Variants in RABEP1 observed in about 807,000 individuals in gnomAD.
The protein encoded by RABEP1 is rab GTPase-binding effector protein 1.
In RABEP1, 51 loss-of-function variants were observed where a neutral mutation model predicts 123.4. That is an observed-to-expected ratio of 0.41 (90% CI 0.33 to 0.52). The LOEUF is 0.52. Ranked by LOEUF, RABEP1 falls within the 20% of genes least tolerant of loss-of-function variation. The pLI, the probability that RABEP1 is intolerant of heterozygous loss-of-function variation, is 0.16. For missense variants in RABEP1, 888 were observed against 996.3 expected (o/e 0.89, Z 1.46); for synonymous variants, 347 against 355.2 (o/e 0.98, Z 0.26).
intron 10 of RABEP1, 97 bp from the exon 11 acceptor site, chr17:5,365,025 A>C (rs1160470651): frequency 1.5e-5 from 11 of 741,894 alleles, no homozygotes; most frequent in Non-Finnish European, 2.2e-5. Context: ...AGAAAAAGAC[A>C]TAAGAGATTT....
chr17:5,350,717 G>A, intron 7 of RABEP1, 88 bp downstream of exon 7: 3 of 1,382,932 alleles, frequency 2.2e-6, no homozygotes, highest in Non-Finnish European at 3.0e-6. Flanking sequence ...ATTAGAGACT[G>A]ACTTAAGCTG....
intron 1 of RABEP1, among the ~76,000 whole-genome samples, chr17:5,302,902 A>AT (rs200600919): frequency 0.035 from 5,276 of 152,058 alleles, 294 homozygotes; most frequent in African/African-American, 0.12. Context: ...TTAAAAAATG[A>AT]TTTTTTTTGT....
chr17:5,289,003 G>T (rs2075006114), intron 1 of RABEP1, among the ~76,000 whole-genome samples: 1 of 152,126 alleles, frequency 6.6e-6, no homozygotes, highest in Non-Finnish European at 1.5e-5. Context: ...ACTGTGCCTG[G>T]TTGAAGTGTG....
At chr17:5,331,897 C>T in intron 2 of RABEP1, 52 bp from the exon 3 acceptor site, 1 of 1,496,612 alleles carries the variant, frequency 6.7e-7, no homozygotes, top group Admixed American at 1.7e-5. Flanking sequence ...TATTGGAATG[C>T]CAGTCTGATC....
At position 5,373,299 on chromosome 17, in the gene RABEP1, C is replaced by CT; in HGVS notation, c.1885-14dup. On this transcript the variant is annotated splice_polypyrimidine_tract_variant and intron_variant, in intron 12 of 17. Transcript: ENST00000537505. ...CTACCTTTCTGGCTGTGATTAGTAT[C>CT]TACTTCTATTTTAGGCGGTGCTGAT... 3 of 1,608,584 alleles carry CT rather than the reference C, an allele frequency of 1.9e-6. No homozygotes were observed. The highest frequency in any genetic ancestry group is 1.7e-6 in the Non-Finnish European group (2 of 1,177,568).
intron 2 of RABEP1, among the ~76,000 whole-genome samples, chr17:5,326,365 T>A (rs988411644): frequency 2.0e-5 from 3 of 152,130 alleles, no homozygotes; most frequent in Non-Finnish European, 4.4e-5. Flanking sequence ...TAATGCAAAC[T>A]ACTAAGTGAA....
At chr17:5,294,579 TC>T (rs869245977) in intron 1 of RABEP1, among the ~76,000 whole-genome samples, 2 of 97,440 alleles carry the variant, frequency 2.1e-5, no homozygotes, top group Admixed American at 1.0e-4. Context: ...GATTTTGGTA[TC>T]TGAGAGGTCC....
chr17:5,291,897 T>A (rs2075037225), intron 1 of RABEP1, among the ~76,000 whole-genome samples: 1 of 152,202 alleles, frequency 6.6e-6, no homozygotes, highest in African/African-American at 2.4e-5. Flanking sequence ...AGAGCGATAC[T>A]CTGTCTCAAA....
At chr17:5,323,561 C>T (rs1905597666) in intron 2 of RABEP1, among the ~76,000 whole-genome samples, 1 of 151,434 alleles carries the variant, frequency 6.6e-6, no homozygotes, top group Admixed American at 6.6e-5. Flanking sequence ...AGTGAACAGC[C>T]TGAAAAAGAA....
chr17:5,282,783 G>T (rs1393863809), intron 1 of RABEP1, among the ~76,000 whole-genome samples: 1 of 151,364 alleles, frequency 6.6e-6, no homozygotes, highest in African/African-American at 2.4e-5. Context: ...CTGCTGGGTA[G>T]CGTGGGGTAG....
chr17:5,335,568 C>T (rs1480983729), intron 4 of RABEP1, among the ~76,000 whole-genome samples: 4 of 152,018 alleles, frequency 2.6e-5, no homozygotes, highest in East Asian at 1.9e-4. Flanking sequence ...GGGTTTTTCC[C>T]GACCACCCGC....
chr17:5,361,443 G>A lies in RABEP1; in HGVS notation c.1331G>A (p.Gly444Glu), dbSNP rs1909524956. The A allele has an allele frequency of 6.2e-7, 1 of 1,614,168 alleles. No individual in the cohort carries two copies. Among genetic ancestry groups the A allele is most frequent in the Non-Finnish European group, 8.5e-7 (1 of 1,180,028 alleles). ...GAGTCAGATTTTGGACCACTGGTAG[G>A]AGCAGATTCAGTGTCTGAGAACTTT... ...LDESDFGPLV[G>E]ADSVSENFDT... is the part of the protein sequence containing the mutation. Residue 444 changes from glycine (G) to glutamate (E), a missense_variant, in exon 9 of 18, where the codon GGA (glycine) becomes GAA (glutamate). By Grantham distance (98) the Gly-to-Glu change is moderately conservative. Transcript: ENST00000537505.
chr17:5,383,111 T>C lies in RABEP1; in HGVS notation c.2488-11T>C. 1.2e-6 allele frequency: 2 copies of C among 1,612,676 alleles called. No homozygotes were observed. The highest frequency in any genetic ancestry group is 1.1e-5 in the South Asian group (1 of 91,054). ...GAGCCACCTGTAGTTATCTCACCAT[T>C]GTTTCTCCAGGTGCAGTTAGAGCGG... On this transcript the variant is annotated splice_polypyrimidine_tract_variant and intron_variant, in intron 17 of 17. Coordinates refer to ENST00000537505, the MANE Select transcript of RABEP1 (RefSeq NM_004703.6).
chr17:5,317,619 T>G lies in RABEP1; in HGVS notation c.163+8797T>G, dbSNP rs977458408. ...AAAAGGAAAGGAAAGGAATCCATAC[T>G]GGAAAGGATATATATATATATATAT... On this transcript the variant is annotated intron_variant, in intron 2 of 17. Transcript: ENST00000537505. Among the ~76,000 whole-genome samples the G allele has an allele frequency of 5.4e-5, 3 of 55,466 alleles. No individual in the cohort carries two copies. The Admixed American group carries it at 7.8e-4, about 14-fold the overall frequency. The allele number at this position is 55,466 out of a possible 152,430, so 36.4% of individuals were successfully genotyped here. A position where few individuals can be genotyped will look rare whatever the true frequency, so the allele number is the denominator to read the frequency against.
intron 8 of RABEP1, chr17:5,356,431 C>T (rs1051619120): frequency 6.3e-6 from 1 of 159,034 alleles, no homozygotes; most frequent in Non-Finnish European, 1.4e-5. Flanking sequence ...GTAGACCTCA[C>T]ATTTTCTTTA....
At chr17:5,338,222 A>G in intron 5 of RABEP1, 84 bp downstream of exon 5, 4 of 1,421,372 alleles carry the variant, frequency 2.8e-6, no homozygotes, top group Non-Finnish European at 3.8e-6. Flanking sequence ...GTAATAGGGA[A>G]AAAAACCTGT....
chr17:5,353,693 C>T (rs1908764123), intron 7 of RABEP1, among the ~76,000 whole-genome samples: 1 of 151,788 alleles, frequency 6.6e-6, no homozygotes, highest in South Asian at 2.1e-4. Context: ...GCAAAAAAAC[C>T]AAAAAATTAG....
At position 5,361,399 on chromosome 17, in the gene RABEP1, A is replaced by C; in HGVS notation, c.1287A>C (p.Lys429Asn). 2 of 1,614,188 alleles carry C rather than the reference A, an allele frequency of 1.2e-6. No homozygotes were observed. The highest frequency in any genetic ancestry group is 8.5e-7 in the Non-Finnish European group (1 of 1,180,030). The change falls in exon 9 of 18, where the codon AAA becomes AAC. Residue 429 changes from lysine to asparagine, a missense_variant. Lys to Asn is a moderately conservative substitution (Grantham distance 94). Transcript: ENST00000537505. Reference sequence around the variant, plus strand: ...CTTTAGGCTATAACTACAAAGCAAAATCTGCTGGAAACCTGGACGAGTCAG... The same window carrying C: ...CTTTAGGCTATAACTACAAAGCAAACTCTGCTGGAAACCTGGACGAGTCAG... ...SKALGYNYKA[K>N]SAGNLDESDF...
chr17:5,362,859 T>C, intron 9 of RABEP1, 53 bp from the exon 10 acceptor site: 1 of 1,157,712 alleles, frequency 8.6e-7, no homozygotes, highest in Non-Finnish European at 1.3e-6. Context: ...GTACCTCAAG[T>C]GTGTGATGTA....
Sources: gnomAD v4.1 joint callset for allele counts (sites outside exome capture counted in the v4.1 genomes callset) on GRCh38, gnomAD v4.1.1 for gene constraint, MANE v1.5 for transcripts, NCBI Gene and HGNC (gene_info 2026-07-23, HGNC 2026-07-21) for gene names.